Variants in SMIM36 observed in about 807,000 individuals in gnomAD.
SMIM36 encodes the protein small integral membrane protein 36.
intron 4 of SMIM36, among the ~76,000 whole-genome samples, chr17:55,463,113 T>C (rs1909174200): frequency 1.3e-5 from 2 of 152,150 alleles, no homozygotes; most frequent in Non-Finnish European, 2.9e-5. Flanking sequence ...CCACCCCTTA[T>C]CCTCAGGGGT....
chr17:55,501,454 A>G (rs1436037258), intron 1 of SMIM36, among the ~76,000 whole-genome samples: 2 of 51,672 alleles, frequency 3.9e-5, no homozygotes, highest in Non-Finnish European at 6.5e-5. Context: ...AATATAATAT[A>G]TTATTATATA....
the SMIM36 span, among the ~76,000 whole-genome samples, chr17:55,525,665 TGA>T: frequency 2.0e-5 from 3 of 152,200 alleles, no homozygotes; most frequent in Non-Finnish European, 4.4e-5. Context: ...AGACATTTAT[TGA>T]TTTTTTTTAA....
chr17:55,516,163 GAAA>G (rs55634053), upstream of SMIM36, among the ~76,000 whole-genome samples: 1 of 152,008 alleles, frequency 6.6e-6, no homozygotes, highest in East Asian at 1.9e-4. Flanking sequence ...AGAAGACACA[GAAA>G]AAAATATAAA....
chr17:55,477,364 G>A (rs570909198), intron 3 of SMIM36, among the ~76,000 whole-genome samples: 1 of 152,226 alleles, frequency 6.6e-6, no homozygotes, highest in Admixed American at 6.5e-5. Flanking sequence ...TTCAATTCTT[G>A]AGTTCCCTGG....
rs1598459980 is a variant in SMIM36 at position 55,510,310 on chromosome 17, A to AC, written c.*174+568_*174+569insG. Among the ~76,000 whole-genome samples the AC allele has an allele frequency of 3.9e-5, 6 of 152,334 alleles. No individual in the cohort carries two copies. In the East Asian group the frequency reaches 1.2e-3, roughly 29 times the overall value. ...ATGTTCTGAAGTCTGAACAAGTTCA[A>AC]TGGGGTTGCCTTGACTGGGTGCAGC... On this transcript the variant is annotated intron_variant, in intron 1 of 4. Coordinates refer to ENST00000636752, the Ensembl canonical transcript of SMIM36.
rs114279999 is a variant in SMIM36, at chr17:55,452,349, A to G, written c.*532-2051T>C. Among the ~76,000 whole-genome samples the G allele has an allele frequency of 8.3e-3, 1,257 of 152,282 alleles. 16 individuals carry two copies. Among genetic ancestry groups the G allele is most frequent in the African/African-American group, 0.029 (1,191 of 41,556 alleles). On this transcript the variant is annotated intron_variant, in intron 4 of 4. Coordinates refer to ENST00000636752, the Ensembl canonical transcript of SMIM36. The stretch of plus-strand genomic sequence containing the variant: ...TATCCAGTTGACTCCAGGCAGCAGT[A>G]TGTGTGTATACACACAGTTTCGTGT...
intron 4 of SMIM36, among the ~76,000 whole-genome samples, chr17:55,454,916 A>T (rs569696475): frequency 5.9e-5 from 9 of 152,346 alleles, no homozygotes; most frequent in African/African-American, 2.2e-4. Flanking sequence ...CCATAATTTA[A>T]TGTATTCCCT....
In SMIM36 at chr17:55,501,123, T is replaced by A. The variant is rs1237661949; in HGVS notation, c.*174+9756A>T. On this transcript the variant is annotated intron_variant, in intron 1 of 4. Transcript: ENST00000636752. ...TTATAATATATAATATATATCATAT[T>A]TTATAATATATAATATATCTTATAT... 6.6e-4 allele frequency among the ~76,000 whole-genome samples: 2 copies of A among 3,008 alleles called. 1 individual carries two copies. The highest frequency in any genetic ancestry group is 1.1e-3 in the African/African-American group (2 of 1,748). 2.0% of individuals were successfully genotyped at this position (3,008 alleles called of 152,430 possible). A position where few individuals can be genotyped will look rare whatever the true frequency, so the allele number is the denominator to read the frequency against.
At chr17:55,477,423 C>T (rs1228576504) in intron 3 of SMIM36, among the ~76,000 whole-genome samples, 2 of 152,100 alleles carry the variant, frequency 1.3e-5, no homozygotes, top group East Asian at 3.9e-4. Context: ...CCCTGCATGC[C>T]TTAGACTGTC....
At chr17:55,468,391 T>C (rs191103053) in intron 3 of SMIM36, 149 of 152,920 alleles carry the variant, frequency 9.7e-4, no homozygotes, top group African/African-American at 3.5e-3. Context: ...ATTCCAGTTC[T>C]TTTTTCCTCT....
chr17:55,526,578 G>A, the SMIM36 span, among the ~76,000 whole-genome samples: 5 of 152,244 alleles, frequency 3.3e-5, no homozygotes, highest in African/African-American at 2.4e-5. Context: ...GCCAGCAGAG[G>A]GCATTAAGAG....
At chr17:55,496,652 G>C (rs17819278) in intron 1 of SMIM36, among the ~76,000 whole-genome samples, 1 of 151,994 alleles carries the variant, frequency 6.6e-6, no homozygotes, top group Non-Finnish European at 1.5e-5. Flanking sequence ...GGCAATACTT[G>C]TCTGTGTCTG....
chr17:55,480,384 T>C (rs1296141915), intron 1 of SMIM36, among the ~76,000 whole-genome samples: 1 of 152,182 alleles, frequency 6.6e-6, no homozygotes, highest in Admixed American at 6.5e-5. Flanking sequence ...ACAGTTATGA[T>C]GGAGTTGAAT....
intron 3 of SMIM36, among the ~76,000 whole-genome samples, chr17:55,469,451 A>G (rs1351439674): frequency 6.6e-6 from 1 of 152,182 alleles, no homozygotes. Flanking sequence ...CTAGACCCAG[A>G]GGGGCCAGAA....
At chr17:55,494,691 C>T (rs1426393383) in intron 1 of SMIM36, among the ~76,000 whole-genome samples, 1 of 151,966 alleles carries the variant, frequency 6.6e-6, no homozygotes, top group Non-Finnish European at 1.5e-5. Context: ...AACACACACA[C>T]ACATACACAC....
intron 3 of SMIM36, among the ~76,000 whole-genome samples, chr17:55,472,231 C>A (rs1909350677): frequency 6.6e-6 from 1 of 152,230 alleles, no homozygotes; most frequent in Non-Finnish European, 1.5e-5. Context: ...TCAATTTTCA[C>A]CAGCTAAAGC....
chr17:55,465,617 A>G (rs1909222302), intron 4 of SMIM36, among the ~76,000 whole-genome samples: 1 of 152,228 alleles, frequency 6.6e-6, no homozygotes, highest in African/African-American at 2.4e-5. Context: ...AACACATGGC[A>G]TAAATTTTTG....
At chr17:55,478,716 G>T (rs1909467982) in intron 3 of SMIM36, 46 bp downstream of exon 3, 1 of 152,152 alleles carries the variant, frequency 6.6e-6, no homozygotes, top group Non-Finnish European at 1.5e-5. Flanking sequence ...GCCCTGTTCT[G>T]GTTGAAATGG....
At chr17:55,531,523 T>G in the SMIM36 span, among the ~76,000 whole-genome samples, 1 of 152,244 alleles carries the variant, frequency 6.6e-6, no homozygotes, top group African/African-American at 2.4e-5. Flanking sequence ...ATAGGACTGA[T>G]GAACAATAAA....
Sources: allele counts gnomAD v4.1 joint callset (sites outside exome capture counted in the v4.1 genomes callset), GRCh38; gene constraint gnomAD v4.1.1; transcripts MANE v1.5; gene names NCBI Gene and HGNC (gene_info 2026-07-23, HGNC 2026-07-21).